Variants in PTPRC observed in about 807,000 individuals in gnomAD.
The protein encoded by PTPRC is receptor-type tyrosine-protein phosphatase C.
PTPRC carries 44 observed loss-of-function variants against 155.9 expected under a neutral mutation model. That is an observed-to-expected ratio of 0.28 (90% CI 0.22 to 0.36). The LOEUF (loss-of-function observed/expected upper bound fraction) is 0.36, where lower values mean the gene tolerates loss of function less well. PTPRC is among the 10% of genes least tolerant of loss of function. The probability of loss-of-function intolerance (pLI) is 1.00; values close to 1 mark genes in which losing one functional copy is unlikely to be tolerated. For missense variants in PTPRC, 1,401 were observed against 1,564.6 expected (o/e 0.90, Z 1.76); for synonymous variants, 525 against 533.1 (o/e 0.98, Z 0.21).
At chr1:198,668,164 G>A (rs1664429238) in intron 2 of PTPRC, among the ~76,000 whole-genome samples, 1 of 152,128 alleles carries the variant, frequency 6.6e-6, no homozygotes, top group Non-Finnish European at 1.5e-5. Flanking sequence ...TGGAGGAAGA[G>A]CATTCCAGCT....
intron 2 of PTPRC, among the ~76,000 whole-genome samples, chr1:198,686,476 T>C (rs75343107): frequency 0.018 from 2,668 of 152,298 alleles, 76 homozygotes; most frequent in African/African-American, 0.061. Context: ...CTAGATATAT[T>C]ACTGTGTTTT....
Position 198,708,158 on chromosome 1 carries a change from T to C in PTPRC, c.930T>C (p.Asp310=), listed in dbSNP as rs756680505. 6.2e-7 allele frequency: 1 copy of C among 1,607,078 alleles called. No individual in the cohort carries two copies. Among genetic ancestry groups the C allele is most frequent in the Non-Finnish European group, 8.5e-7 (1 of 1,174,296 alleles). The change falls in exon 10 of 33, where the codon GAT becomes GAC. Residue 310 remains aspartate, a synonymous_variant. Coordinates refer to ENST00000442510, the MANE Select transcript of PTPRC (RefSeq NM_002838.5). The part of the protein sequence containing the change: ...PPGVEKFQLH[D]CTQVEKADTT... ...GGGTTGAAAAGTTTCAGTTACATGA[T>C]TGTACACAAGTTGAAAAAGCAGATA...
chr1:198,729,183 T>C lies in PTPRC; in HGVS notation c.1864+12T>C, dbSNP rs1169116303. 6.2e-7 allele frequency: 1 copy of C among 1,603,876 alleles called. No individual in the cohort carries two copies. The stretch of plus-strand genomic sequence containing the variant: ...GCTTGTTGAAAGGGGTAAGTATGTA[T>C]ATTTTTGCTGATGACTATTCCTTCC... On this transcript the variant is annotated intron_variant, in intron 17 of 32. Coordinates refer to ENST00000442510, the MANE Select transcript of PTPRC (RefSeq NM_002838.5).
chr1:198,695,688 TTAAAG>T (rs753213793), intron 3 of PTPRC, among the ~76,000 whole-genome samples: 56 of 152,314 alleles, frequency 3.7e-4, no homozygotes, highest in Admixed American at 7.2e-4. Context: ...TTTCCTCTTC[TTAAAG>T]TAAACTTGAG....
chr1:198,670,870 C>T (rs935639320), intron 2 of PTPRC, among the ~76,000 whole-genome samples: 1 of 151,930 alleles, frequency 6.6e-6, no homozygotes, highest in Non-Finnish European at 1.5e-5. Flanking sequence ...CGAAATACAA[C>T]AATACATCAT....
At chr1:198,681,173 G>T (rs879730775) in intron 2 of PTPRC, among the ~76,000 whole-genome samples, 391 of 152,142 alleles carry the variant, frequency 2.6e-3, no homozygotes, top group Admixed American at 4.4e-3. Flanking sequence ...AGGATCTCAT[G>T]ATCCTTTTCA....
intron 2 of PTPRC, chr1:198,679,171 T>C (rs1475486921): frequency 1.9e-5 from 4 of 212,230 alleles, no homozygotes; most frequent in South Asian, 9.0e-5. Flanking sequence ...TTTGGGCACA[T>C]AGTCGTCCCA....
intron 3 of PTPRC, chr1:198,694,677 A>G (rs1199242709): frequency 5.1e-6 from 5 of 981,380 alleles, no homozygotes; most frequent in African/African-American, 1.8e-5. Flanking sequence ...GATGACAGTG[A>G]CTTAATGTGA....
intron 23 of PTPRC, among the ~76,000 whole-genome samples, chr1:198,738,431 T>C (rs1654749489): frequency 6.6e-6 from 1 of 151,910 alleles, no homozygotes; most frequent in South Asian, 2.1e-4. Context: ...CTTCATTCTG[T>C]TGATATAATG....
At chr1:198,720,854 A>T (rs564151475) in intron 14 of PTPRC, among the ~76,000 whole-genome samples, 1 of 152,124 alleles carries the variant, frequency 6.6e-6, no homozygotes, top group Non-Finnish European at 1.5e-5. Flanking sequence ...TGTGTATTAT[A>T]CTTCATTCCC....
intron 2 of PTPRC, among the ~76,000 whole-genome samples, chr1:198,644,810 G>A (rs1026433535): frequency 1.3e-5 from 2 of 151,620 alleles, no homozygotes; most frequent in Non-Finnish European, 3.0e-5. Flanking sequence ...AGTAGAGACC[G>A]AGCTTAAACA....
At chr1:198,718,416 G>A in intron 14 of PTPRC, 114 bp downstream of exon 14, 1 of 909,706 alleles carries the variant, frequency 1.1e-6, no homozygotes, top group Non-Finnish European at 1.7e-6. Flanking sequence ...GCTCTGATGT[G>A]TAATGGAATC....
At chr1:198,719,528 T>C (rs1230831842) in intron 14 of PTPRC, among the ~76,000 whole-genome samples, 1 of 152,134 alleles carries the variant, frequency 6.6e-6, no homozygotes, top group Non-Finnish European at 1.5e-5. Flanking sequence ...GAAATTTCCA[T>C]AGTTAATTTT....
At chr1:198,754,195 T>G in intron 31 of PTPRC, 74 bp from the exon 32 acceptor site, 1 of 1,482,494 alleles carries the variant, frequency 6.7e-7, no homozygotes, top group Non-Finnish European at 9.3e-7. Context: ...ATTCTCTCTC[T>G]TCCTGTTTTT....
chr1:198,681,150 AAGTT>A (rs879267282), intron 2 of PTPRC, among the ~76,000 whole-genome samples: 389 of 152,264 alleles, frequency 2.6e-3, no homozygotes, highest in Admixed American at 4.3e-3. Context: ...TTTCCCAAAG[AAGTT>A]AAATGAAAAG....
At chr1:198,686,284 A>G (rs1250057826) in intron 2 of PTPRC, among the ~76,000 whole-genome samples, 1 of 152,118 alleles carries the variant, frequency 6.6e-6, no homozygotes, top group Non-Finnish European at 1.5e-5. Flanking sequence ...AATGGGAAAA[A>G]GAGCTCTTAG....
chr1:198,714,674 T>C (rs1653484299), intron 12 of PTPRC, among the ~76,000 whole-genome samples: 1 of 152,194 alleles, frequency 6.6e-6, no homozygotes, highest in African/African-American at 2.4e-5. Flanking sequence ...CTCCTTCATC[T>C]CAAACATATA....
intron 2 of PTPRC, among the ~76,000 whole-genome samples, chr1:198,662,498 A>G (rs999172362): frequency 5.3e-5 from 8 of 151,614 alleles, no homozygotes; most frequent in Non-Finnish European, 7.4e-5. Context: ...GTGTATAAAC[A>G]TGAGACCATA....
chr1:198,751,930 A>ATGAT (rs1384878425), intron 29 of PTPRC, among the ~76,000 whole-genome samples: 6 of 152,058 alleles, frequency 3.9e-5, no homozygotes, highest in Admixed American at 2.0e-4. Flanking sequence ...TGAAGAGGTC[A>ATGAT]TGATAAGCAT....
Sources: allele counts gnomAD v4.1 joint callset (sites outside exome capture counted in the v4.1 genomes callset), GRCh38; gene constraint gnomAD v4.1.1; transcripts MANE v1.5; gene names NCBI Gene and HGNC (gene_info 2026-07-23, HGNC 2026-07-21).